Variants in SESN1 observed in about 807,000 individuals in gnomAD.
SESN1 encodes sestrin-1.
In SESN1, 30 loss-of-function variants were observed where a neutral mutation model predicts 59.3. The ratio of observed to expected loss-of-function variants is 0.51; its 90% CI spans 0.38 to 0.69. The LOEUF is 0.69. Ranked by LOEUF, SESN1 falls within the 30% of genes least tolerant of loss-of-function variation. The pLI is 0.00. For missense variants in SESN1, 566 were observed against 673.0 expected (o/e 0.84, Z 1.76); for synonymous variants, 197 against 219.9 (o/e 0.90, Z 0.92).
At chr6:109,046,925 G>C (rs1484042983) in intron 1 of SESN1, among the ~76,000 whole-genome samples, 2 of 120,678 alleles carry the variant, frequency 1.7e-5, no homozygotes, top group South Asian at 6.8e-4. Context: ...CTCTCCGCCC[G>C]GCAGCCACCC....
intron 5 of SESN1, among the ~76,000 whole-genome samples, chr6:108,996,702 T>C (rs892910574): frequency 7.2e-5 from 11 of 152,152 alleles, no homozygotes; most frequent in African/African-American, 2.2e-4. Context: ...CTCTTTTTTC[T>C]TTCCCTTTAT....
chr6:109,079,290 C>T (rs1016463335), intron 1 of SESN1, among the ~76,000 whole-genome samples: 5 of 151,550 alleles, frequency 3.3e-5, no homozygotes, highest in Admixed American at 6.6e-5. Flanking sequence ...ATCTTTAACA[C>T]CTAAGGAAGA....
Position 109,072,064 on chromosome 6 carries a change from T to C in SESN1, c.279+21731A>G, listed in dbSNP as rs1780944753. 2.0e-5 allele frequency among the ~76,000 whole-genome samples: 3 copies of C among 152,162 alleles called. No homozygotes were observed. The South Asian group carries it at 6.2e-4, about 31-fold the overall frequency. On this transcript the variant is annotated intron_variant, in intron 1 of 9. Transcript: ENST00000436639. ...ATTTGAGAATGCTTACATTGTAGCA[T>C]CTTCCAAAATAAATCTCTGCTCTGA...
At chr6:109,015,838 T>G (rs1303936807) in intron 1 of SESN1, among the ~76,000 whole-genome samples, 1 of 152,234 alleles carries the variant, frequency 6.6e-6, no homozygotes, top group African/African-American at 2.4e-5. Context: ...CTCTGTGTTG[T>G]ATAATTTTTC....
chr6:109,030,803 C>T (rs1427887704), intron 1 of SESN1, among the ~76,000 whole-genome samples: 1 of 152,180 alleles, frequency 6.6e-6, no homozygotes, highest in Non-Finnish European at 1.5e-5. Flanking sequence ...TTACAACAAC[C>T]TTGTAAGATG....
rs767306041 is a variant in SESN1, at chr6:109,002,321, C to T, written c.302G>A (p.Arg101Gln). Residue 101 changes from arginine to glutamine, a missense_variant, in exon 2 of 10, where the codon CGA becomes CAA. By Grantham distance (43) the Arg-to-Gln change is conservative. Transcript: ENST00000436639. ...SIQELGIRIP[R>Q]PLGQGPSRFI... Reference sequence around the variant, plus strand: ...TCTGCTTGGTCCCTGTCCTAGTGGTCGAGGAATTCTAATGCCAAGTTCCTA... The same window carrying T: ...TCTGCTTGGTCCCTGTCCTAGTGGTTGAGGAATTCTAATGCCAAGTTCCTA... 49 of 1,613,082 alleles carry T rather than the reference C, an allele frequency of 3.0e-5. No individual in the cohort carries two copies. Among genetic ancestry groups the T allele is most frequent in the South Asian group, 6.6e-5 (6 of 91,034 alleles).
intron 1 of SESN1, chr6:109,009,133 C>T (rs1208713363): frequency 7.3e-6 from 5 of 688,428 alleles, no homozygotes; most frequent in Non-Finnish European, 1.0e-5. Context: ...GGACGACTCA[C>T]GGTGCGCAGG....
intron 3 of SESN1, 116 bp from the exon 4 acceptor site, chr6:109,000,789 C>T (rs1030969995): frequency 3.6e-6 from 3 of 831,160 alleles, no homozygotes; most frequent in Non-Finnish European, 3.3e-6. Context: ...TCAAATTTTC[C>T]GTAAACTACA....
At chr6:109,000,190 TACTA>T (rs1236005705) in intron 4 of SESN1, 8 of 194,442 alleles carry the variant, frequency 4.1e-5, no homozygotes, top group Middle Eastern at 1.8e-3. Flanking sequence ...ATTTTTAGGG[TACTA>T]ACTATTCCAT....
intron 1 of SESN1, among the ~76,000 whole-genome samples, chr6:109,051,531 A>G (rs1780542000): frequency 6.6e-6 from 1 of 152,198 alleles, no homozygotes; most frequent in Non-Finnish European, 1.5e-5. Flanking sequence ...TTAGAGGTCA[A>G]AGATGGGGTT....
In SESN1 at chr6:109,001,274, G is replaced by C. The variant is rs10457185; in HGVS notation, c.546+14C>G. ...AAATAGGCAAAAACAATTTTTCACT[G>C]AATGTTTACAAACCATTATTCCAAT... On this transcript the variant is annotated intron_variant, in intron 3 of 9. Transcript: ENST00000436639. 186,061 of 1,605,674 alleles carry C rather than the reference G, an allele frequency of 0.12. 11,842 individuals carry two copies. The highest frequency in any genetic ancestry group is 0.19 in the South Asian group (17,011 of 90,092).
At chr6:109,047,426 G>A (rs1780468829) in intron 1 of SESN1, among the ~76,000 whole-genome samples, 1 of 136,366 alleles carries the variant, frequency 7.3e-6, no homozygotes, top group African/African-American at 2.6e-5. Context: ...ACTGGGAAGT[G>A]AGGAGCCCCT....
chr6:109,018,180 G>T (rs1396050831), intron 1 of SESN1, among the ~76,000 whole-genome samples: 1 of 152,158 alleles, frequency 6.6e-6, no homozygotes, highest in East Asian at 1.9e-4. Flanking sequence ...ATACTTTAGA[G>T]ATATTATAAA....
intron 8 of SESN1, among the ~76,000 whole-genome samples, chr6:108,989,330 T>A (rs980286042): frequency 6.6e-6 from 1 of 152,078 alleles, no homozygotes; most frequent in Non-Finnish European, 1.5e-5. Context: ...AGATTTTGAG[T>A]ATTATCGAAA....
intron 1 of SESN1, among the ~76,000 whole-genome samples, chr6:109,084,195 TA>T (rs1439525078): frequency 6.6e-6 from 1 of 152,232 alleles, no homozygotes; most frequent in South Asian, 2.1e-4. Flanking sequence ...ATATACATAT[TA>T]AAGTTTATTT....
At chr6:108,988,093 C>T (rs1448579134) in intron 9 of SESN1, among the ~76,000 whole-genome samples, 2 of 152,112 alleles carry the variant, frequency 1.3e-5, no homozygotes, top group Non-Finnish European at 2.9e-5. Context: ...CATACCTGGC[C>T]TAATATTCTT....
In SESN1 at chr6:108,984,472, A is replaced by G. The variant is rs1779128280; in HGVS notation, c.*3072T>C. On this transcript the variant is annotated 3_prime_UTR_variant, in exon 10 of 10. Transcript: ENST00000436639. Reference sequence around the variant, plus strand: ...GCTCCCCAGACCTCTATTAAAGGGCACTAATCCCATTCATGAGAGCAGAGC... The same window carrying G: ...GCTCCCCAGACCTCTATTAAAGGGCGCTAATCCCATTCATGAGAGCAGAGC... Among the ~76,000 whole-genome samples the G allele has an allele frequency of 6.6e-6, 1 of 152,122 alleles. No individual in the cohort carries two copies. Among genetic ancestry groups the G allele is most frequent in the South Asian group, 2.1e-4 (1 of 4,828 alleles).
intron 1 of SESN1, among the ~76,000 whole-genome samples, chr6:109,034,415 A>G (rs1410184991): frequency 6.6e-6 from 1 of 152,236 alleles, no homozygotes; most frequent in Admixed American, 6.5e-5. Flanking sequence ...TATATTTTAA[A>G]TACAATATTG....
chr6:109,066,609 A>G (rs1780829991), intron 1 of SESN1, among the ~76,000 whole-genome samples: 1 of 152,218 alleles, frequency 6.6e-6, no homozygotes, highest in African/African-American at 2.4e-5. Context: ...AAACAAGTCA[A>G]CAATAGTCTT....
Sources: allele counts gnomAD v4.1 joint callset (sites outside exome capture counted in the v4.1 genomes callset), GRCh38; gene constraint gnomAD v4.1.1; transcripts MANE v1.5; gene names NCBI Gene and HGNC (gene_info 2026-07-23, HGNC 2026-07-21).